Variants in ZNF726 observed in about 807,000 individuals in gnomAD.
ZNF726 encodes the protein zinc finger protein 726.
In ZNF726, 15 loss-of-function variants were observed where a neutral mutation model predicts 11.6. That is an observed-to-expected ratio of 1.29 (90% confidence interval 0.86 to 1.99). The LOEUF is 1.99. Ranked by LOEUF, ZNF726 falls within the 30% of genes most tolerant of loss-of-function variation. The pLI is 0.00. For synonymous variants in ZNF726, 295 were observed against 243.6 expected, an observed-to-expected ratio of 1.21 and a Z score of -1.96; for missense variants, 890 against 725.6, an observed-to-expected ratio of 1.23 and a Z score of -2.60.
chr19:23,938,797 G>A (rs946493385), downstream of ZNF726, among the ~76,000 whole-genome samples: 2 of 151,772 alleles, frequency 1.3e-5, no homozygotes, highest in African/African-American at 4.8e-5. Context: ...AGTAGAGACA[G>A]GATTTTGCTA....
chr19:23,919,663 T>C, intron 2 of ZNF726, 164 bp downstream of exon 2: 1 of 891,830 alleles, frequency 1.1e-6, no homozygotes, highest in Non-Finnish European at 1.6e-6. Context: ...CATCCTGACC[T>C]GAAATTTCCA....
downstream of ZNF726, chr19:23,935,667 T>A (rs1174724041): frequency 3.4e-6 from 1 of 295,986 alleles, no homozygotes; most frequent in Non-Finnish European, 6.6e-6. Context: ...TTGTTGCACT[T>A]CATTGTATGT....
chr19:23,937,629 C>T (rs936171040), downstream of ZNF726, among the ~76,000 whole-genome samples: 19 of 151,290 alleles, frequency 1.3e-4, no homozygotes, highest in Non-Finnish European at 1.9e-4. Context: ...GATGGGATGG[C>T]GGCCGGGCAG....
chr19:23,940,679 G>A (rs1049007727), intron 3 of ZNF726, among the ~76,000 whole-genome samples: 1 of 152,072 alleles, frequency 6.6e-6, no homozygotes, highest in Non-Finnish European at 1.5e-5. Context: ...GCAGTGTTTT[G>A]TAGTTTTCCT....
At chr19:23,941,289 G>A (rs373095233) in intron 3 of ZNF726, among the ~76,000 whole-genome samples, 6 of 151,980 alleles carry the variant, frequency 3.9e-5, no homozygotes, top group African/African-American at 7.2e-5. Context: ...ATTTGTTGAC[G>A]TGTGTGTGTT....
chr19:23,932,689 T>G lies in ZNF726; in HGVS notation c.573T>G (p.His191Gln). 1 of 1,594,328 alleles carries G rather than the reference T, an allele frequency of 6.3e-7. No individual in the cohort carries two copies. Among genetic ancestry groups the G allele is most frequent in the Non-Finnish European group, 8.5e-7 (1 of 1,174,302 alleles). ...GCATGTTTTCACACAAAACCCAGCATAAAAGCATATATACTACAGAGAAGT... is the reference window on the plus strand; with the variant it reads ...GCATGTTTTCACACAAAACCCAGCAGAAAAGCATATATACTACAGAGAAGT... ...SFCMFSHKTQ[H>Q]KSIYTTEKSY... The change falls in exon 4 of 4, where the codon CAT becomes CAG. Residue 191 changes from histidine (H) to glutamine (Q), a missense_variant. Coordinates refer to ENST00000594466, the MANE Select transcript of ZNF726 (RefSeq NM_001244038.2).
chr19:23,930,907 T>G (rs1289411535), intron 3 of ZNF726, among the ~76,000 whole-genome samples: 3 of 152,216 alleles, frequency 2.0e-5, no homozygotes, highest in Non-Finnish European at 4.4e-5. Context: ...TGCAACATAT[T>G]GCTAAAATGT....
chr19:23,933,413 G>A lies in ZNF726; in HGVS notation c.1297G>A (p.Ala433Thr). The A allele has an allele frequency of 1.9e-6, 3 of 1,612,436 alleles. No homozygotes were observed. Among genetic ancestry groups the A allele is most frequent in the Non-Finnish European group, 2.5e-6 (3 of 1,179,532 alleles). ...TTACAAGTGTGAAGAATGCGGCAAA[G>A]CGTTTATATGGTCCTCAAACCTTAC... ...KPYKCEECGK[A>T]FIWSSNLTEH... The change falls in exon 4 of 4, where the codon GCG becomes ACG. Residue 433 changes from alanine to threonine, a missense_variant. Ala to Thr is a moderately conservative substitution (Grantham distance 58). Transcript: ENST00000594466.
intron 3 of ZNF726, among the ~76,000 whole-genome samples, chr19:23,942,585 G>C (rs961544925): frequency 2.0e-5 from 3 of 152,064 alleles, no homozygotes; most frequent in African/African-American, 7.2e-5. Flanking sequence ...TTATGGTATT[G>C]ATGTCTATCT....
At chr19:23,934,542 C>T (rs755594091), downstream of ZNF726, 3 of 357,914 alleles carry the variant, frequency 8.4e-6, no homozygotes, top group African/African-American at 2.1e-5. Flanking sequence ...GTTCACTGTT[C>T]AGAATTTTCA....
chr19:23,926,576 A>G (rs936117170), intron 3 of ZNF726, among the ~76,000 whole-genome samples: 1 of 151,854 alleles, frequency 6.6e-6, no homozygotes, highest in Admixed American at 6.6e-5. Flanking sequence ...TTCCAAAAAA[A>G]AAAAAAAAAA....
chr19:23,933,359 CATA>C lies in ZNF726; in HGVS notation c.1245_1247del (p.His415_Lys416delinsGln). On this transcript the variant is annotated inframe_deletion, in exon 4 of 4. Transcript: ENST00000594466. ...TCATCGATCCTCAAATCTTACTAAA[CATA>C]AGATAATTCATACTGGAGAGAAACC... is the stretch of plus-strand genomic sequence containing the variant. 1 of 1,612,822 alleles carries C rather than the reference CATA, an allele frequency of 6.2e-7. No individual in the cohort carries two copies. The highest frequency in any genetic ancestry group is 1.7e-4 in the Middle Eastern group (1 of 6,058).
chr19:23,914,919 C>T lies in ZNF726; in HGVS notation c.-76C>T, dbSNP rs904568978. ...CTGCGGCCGGAGCTCCAGGTCTCGT[C>T]CTCACTACTCTGTGTCTTCTGCTTT... is the stretch of plus-strand genomic sequence containing the variant. On this transcript the variant is annotated 5_prime_UTR_variant, in exon 1 of 4. Coordinates refer to ENST00000594466, the MANE Select transcript of ZNF726 (RefSeq NM_001244038.2). 11 of 1,604,836 alleles carry T rather than the reference C, an allele frequency of 6.9e-6. No homozygotes were observed. The highest frequency in any genetic ancestry group is 4.4e-5 in the South Asian group (4 of 90,688).
Position 23,932,355 on chromosome 19 carries a change from A to G in ZNF726, c.239A>G (p.His80Arg). The G allele has an allele frequency of 7.0e-7, 1 of 1,419,518 alleles. No homozygotes were observed. The highest frequency in any genetic ancestry group is 9.2e-7 in the Non-Finnish European group (1 of 1,086,006). 87.9% of individuals were successfully genotyped at this position (1,419,518 alleles called of 1,614,324 possible). The change falls in exon 4 of 4, where the codon CAT becomes CGT. Residue 80 changes from histidine to arginine, a missense_variant. Physicochemically the swap from His to Arg is conservative, Grantham distance 29. Coordinates refer to ENST00000594466, the MANE Select transcript of ZNF726 (RefSeq NM_001244038.2). ...MVDEPPGICP[H>R]FAQDIWPEQG... ...AATTTTTTTTTAGGTATATGTCCTC[A>G]TTTTGCTCAAGACATTTGGCCAGAG...
intron 1 of ZNF726, among the ~76,000 whole-genome samples, chr19:23,916,775 A>G (rs1967710928): frequency 6.6e-6 from 1 of 151,946 alleles, no homozygotes; most frequent in Non-Finnish European, 1.5e-5. Context: ...CTAGTCACAG[A>G]TATCTTAGAA....
chr19:23,929,299 CG>C (rs577550272), intron 3 of ZNF726: 42 of 152,008 alleles, frequency 2.8e-4, no homozygotes, highest in African/African-American at 1.0e-3. Context: ...CTTGTGTATT[CG>C]TCTGTTTTTA....
intron 3 of ZNF726, among the ~76,000 whole-genome samples, chr19:23,926,275 T>C (rs1033087482): frequency 6.6e-6 from 1 of 151,966 alleles, no homozygotes; most frequent in Non-Finnish European, 1.5e-5. Flanking sequence ...AGTTATCCGG[T>C]CGGGTGCGGT....
chr19:23,927,352 A>G (rs909257250), intron 3 of ZNF726, among the ~76,000 whole-genome samples: 1 of 152,162 alleles, frequency 6.6e-6, no homozygotes, highest in Non-Finnish European at 1.5e-5. Context: ...GAGCAAAAAT[A>G]TGTTGAAAAG....
At chr19:23,939,183 A>C (rs988405936), downstream of ZNF726, among the ~76,000 whole-genome samples, 2 of 148,886 alleles carry the variant, frequency 1.3e-5, no homozygotes, top group African/African-American at 5.0e-5. Context: ...TTGCATTCTC[A>C]TATCTTACCT....
Sources: gnomAD v4.1 joint callset for allele counts (sites outside exome capture counted in the v4.1 genomes callset) on GRCh38, gnomAD v4.1.1 for gene constraint, MANE v1.5 for transcripts, NCBI Gene and HGNC (gene_info 2026-07-23, HGNC 2026-07-21) for gene names.